IGSF10: variants seen among roughly 807,000 people sequenced by gnomAD.
IGSF10 encodes calvaria mechanical force protein 608.
In IGSF10, 126 loss-of-function variants were observed where a neutral mutation model predicts 128.2. That is an observed-to-expected ratio of 0.98 (90% CI 0.85 to 1.14). The LOEUF (loss-of-function observed/expected upper bound fraction) is 1.14, where lower values mean the gene tolerates loss of function less well. Ranked by LOEUF, IGSF10 falls within the 50% of genes most tolerant of loss-of-function variation. IGSF10 has a pLI of 0.00. For synonymous variants in IGSF10, 1,185 were observed against 1,146.2 expected (o/e 1.03, Z -0.68); for missense variants, 3,295 against 3,149.8 (o/e 1.05, Z -1.10).
chr3:151,516,811 A>G, the IGSF10 span, among the ~76,000 whole-genome samples: 1 of 152,118 alleles, frequency 6.6e-6, no homozygotes. Context: ...TTAGGAAGAA[A>G]ATGTTTAAAA....
At chr3:151,512,429 A>C in the IGSF10 span, among the ~76,000 whole-genome samples, 4 of 152,242 alleles carry the variant, frequency 2.6e-5, no homozygotes, top group South Asian at 2.1e-4. Context: ...ACAAAGACAC[A>C]ACATACCAGA....
chr3:151,447,877 C>A lies in IGSF10; in HGVS notation c.2104G>T (p.Ala702Ser), dbSNP rs368680359. ...EPPGAQLRTS[A>S]LMEAEVGKHT... ...TTTCCAACCTCAGCCTCCATCAGAGCAGATGTACGGAGTTGTGCACCTGGT... is the reference window on the plus strand; with the variant it reads ...TTTCCAACCTCAGCCTCCATCAGAGAAGATGTACGGAGTTGTGCACCTGGT... Residue 702 changes from alanine (A) to serine (S), a missense_variant, in exon 6 of 8, where the codon GCT becomes TCT. By Grantham distance (99) the Ala-to-Ser change is moderately conservative. Coordinates refer to ENST00000282466, the MANE Select transcript of IGSF10 (RefSeq NM_178822.5). 5 of 1,614,088 alleles carry A rather than the reference C, an allele frequency of 3.1e-6. No individual in the cohort carries two copies. Among genetic ancestry groups the A allele is most frequent in the Non-Finnish European group, 4.2e-6 (5 of 1,180,002 alleles).
At chr3:151,452,415 G>A (rs1721553656) in intron 5 of IGSF10, among the ~76,000 whole-genome samples, 1 of 152,142 alleles carries the variant, frequency 6.6e-6, no homozygotes, top group Admixed American at 6.5e-5. Context: ...TAATACAATT[G>A]TAATTATTTA....
chr3:151,541,896 T>A, the IGSF10 span, among the ~76,000 whole-genome samples: 1 of 152,118 alleles, frequency 6.6e-6, no homozygotes, highest in Non-Finnish European at 1.5e-5. Context: ...AAAAGCAACT[T>A]TCCTTAGAAA....
At chr3:151,460,749 T>C (rs1289281232) in intron 1 of IGSF10, among the ~76,000 whole-genome samples, 197 bp downstream of exon 1, 11 of 151,626 alleles carry the variant, frequency 7.3e-5, no homozygotes, top group African/African-American at 2.4e-4. Flanking sequence ...TTTTTTTGCC[T>C]GGCACCAGTC....
the IGSF10 span, among the ~76,000 whole-genome samples, chr3:151,557,235 A>G: frequency 4.6e-5 from 7 of 152,152 alleles, no homozygotes; most frequent in Admixed American, 4.6e-4. Flanking sequence ...AAGCTCAAAC[A>G]CCCTTCCTCT....
At chr3:151,556,577 A>G in the IGSF10 span, among the ~76,000 whole-genome samples, 27 of 152,150 alleles carry the variant, frequency 1.8e-4, no homozygotes, top group African/African-American at 6.5e-4. Flanking sequence ...GGAAAAGAAG[A>G]GAGTAAGGAA....
chr3:151,598,328 A>G, the IGSF10 span, among the ~76,000 whole-genome samples: 745 of 152,322 alleles, frequency 4.9e-3, 1 homozygote, highest in African/African-American at 0.017. Flanking sequence ...GCCTTTAGCT[A>G]TAATTGTGCT....
chr3:151,448,353 C>T lies in IGSF10; in HGVS notation c.1628G>A (p.Ser543Asn). 2 of 1,614,210 alleles carry T rather than the reference C, an allele frequency of 1.2e-6. No homozygotes were observed. Among genetic ancestry groups the T allele is most frequent in the Non-Finnish European group, 1.7e-6 (2 of 1,180,036 alleles). Residue 543 changes from serine (S) to asparagine (N), a missense_variant, in exon 6 of 8, where the codon AGT becomes AAT. Ser to Asn is a conservative substitution (Grantham distance 46, BLOSUM62 1). Coordinates refer to ENST00000282466, the MANE Select transcript of IGSF10 (RefSeq NM_178822.5). The part of the protein sequence containing the change: ...SGKLELQMAD[S>N]FDTGVYHCIS... Reference sequence around the variant, plus strand: ...ACAGTGATATACGCCTGTGTCAAAACTATCAGCCATCTGGAGTTCCAATTT... The same window carrying T: ...ACAGTGATATACGCCTGTGTCAAAATTATCAGCCATCTGGAGTTCCAATTT...
the IGSF10 span, among the ~76,000 whole-genome samples, chr3:151,492,611 G>C: frequency 6.6e-6 from 1 of 152,062 alleles, no homozygotes; most frequent in East Asian, 1.9e-4. Flanking sequence ...CCAGCTACTT[G>C]GGAGGCTGAG....
the IGSF10 span, among the ~76,000 whole-genome samples, chr3:151,496,387 C>T: frequency 7.1e-6 from 1 of 140,340 alleles, no homozygotes; most frequent in African/African-American, 2.7e-5. Flanking sequence ...TGTGATGTTC[C>T]CCTTCCTGTG....
At chr3:151,617,730 T>G in the IGSF10 span, among the ~76,000 whole-genome samples, 1 of 152,102 alleles carries the variant, frequency 6.6e-6, no homozygotes, top group Non-Finnish European at 1.5e-5. Context: ...TTGTCTCCTT[T>G]GAAACTTATG....
chr3:151,618,783 T>A, the IGSF10 span, among the ~76,000 whole-genome samples: 1 of 149,232 alleles, frequency 6.7e-6, no homozygotes, highest in Non-Finnish European at 1.5e-5. Flanking sequence ...AAATTAAAAA[T>A]AAAAATAAAA....
chr3:151,436,978 G>A lies in IGSF10; in HGVS notation c.7583C>T (p.Pro2528Leu). Residue 2528 changes from proline to leucine, a missense_variant, in exon 8 of 8, where the codon CCC becomes CTC. Coordinates refer to ENST00000282466, the MANE Select transcript of IGSF10 (RefSeq NM_178822.5). The stretch of plus-strand genomic sequence containing the variant: ...CCTGGGTGGACGATTTGTAATTCGG[G>A]GAGGGTAGGCTACAATCATTACTGG... ...TVPVMIVAYP[P>L]RITNRPPRSI... 6.2e-7 allele frequency: 1 copy of A among 1,614,190 alleles called. No homozygotes were observed.
the IGSF10 span, among the ~76,000 whole-genome samples, chr3:151,572,776 T>C: frequency 6.6e-6 from 1 of 152,212 alleles, no homozygotes; most frequent in African/African-American, 2.4e-5. Flanking sequence ...TGAATGTGTT[T>C]GCTCTTGCTT....
the IGSF10 span, among the ~76,000 whole-genome samples, chr3:151,538,695 C>T: frequency 0.051 from 7,739 of 152,156 alleles, 224 homozygotes; most frequent in African/African-American, 0.069. Context: ...GTCCAGGACA[C>T]AATATTGCTT....
At chr3:151,560,694 T>C in the IGSF10 span, among the ~76,000 whole-genome samples, 1 of 119,028 alleles carries the variant, frequency 8.4e-6, no homozygotes, top group African/African-American at 3.1e-5. Flanking sequence ...AAATTATGCA[T>C]TGCCATAGCC....
At chr3:151,541,574 A>C in the IGSF10 span, among the ~76,000 whole-genome samples, 2 of 152,146 alleles carry the variant, frequency 1.3e-5, no homozygotes, top group African/African-American at 2.4e-5. Context: ...TAGGAGGCTG[A>C]TATTTCTAAT....
the IGSF10 span, among the ~76,000 whole-genome samples, chr3:151,591,161 A>G: frequency 6.6e-6 from 1 of 151,922 alleles, no homozygotes; most frequent in Admixed American, 6.5e-5. Flanking sequence ...TTCGGCTAAA[A>G]GAAAAGATAC....
Sources: allele counts gnomAD v4.1 joint callset (sites outside exome capture counted in the v4.1 genomes callset), GRCh38; gene constraint gnomAD v4.1.1; transcripts MANE v1.5; gene names NCBI Gene and HGNC (gene_info 2026-07-23, HGNC 2026-07-21).